Variants in GLIS3 observed in about 807,000 individuals in gnomAD.
The protein encoded by GLIS3 is GLIS family zinc finger 3.
Under a neutral mutation model 78.6 loss-of-function variants are expected in GLIS3, and 53 were observed. The observed-to-expected ratio is 0.67, with a 90% confidence interval of 0.54 to 0.85. GLIS3 has a LOEUF of 0.85. GLIS3 is among the 40% of genes least tolerant of loss of function. The pLI, the probability that GLIS3 is intolerant of heterozygous loss-of-function variation, is 0.00. For missense variants in GLIS3, 1,703 were observed against 1,231.1 expected (o/e 1.38, Z -5.74); for synonymous variants, 684 against 509.9 (o/e 1.34, Z -4.60).
intron 1 of GLIS3, among the ~76,000 whole-genome samples, chr9:4,286,828 G>A (rs1828043249): frequency 6.6e-6 from 1 of 152,106 alleles, no homozygotes; most frequent in Non-Finnish European, 1.5e-5. Context: ...AACTTATTTT[G>A]TTCCCTAGAG....
At chr9:3,869,700 T>G (rs576782869) in intron 8 of GLIS3, among the ~76,000 whole-genome samples, 25 of 152,320 alleles carry the variant, frequency 1.6e-4, no homozygotes, top group African/African-American at 5.8e-4. Flanking sequence ...TTCCCCTCAT[T>G]GGTCTTTTAC....
chr9:4,389,178 G>C, the GLIS3 span, among the ~76,000 whole-genome samples: 1 of 152,168 alleles, frequency 6.6e-6, no homozygotes, highest in Admixed American at 6.5e-5. Context: ...AGGTATTAGA[G>C]GCTAAGAGCA....
At position 4,080,059 on chromosome 9, in the gene GLIS3, G is replaced by C. The variant is rs76079927; in HGVS notation, c.1710+37709C>G. Reference sequence around the variant, plus strand: ...ATTTGGAAAATGCTATTGTAAAAGTGTTTGTGCAGGAATCTGCCTGCTTGT... The same window carrying C: ...ATTTGGAAAATGCTATTGTAAAAGTCTTTGTGCAGGAATCTGCCTGCTTGT... On this transcript the variant is annotated intron_variant, in intron 4 of 10. Transcript: ENST00000381971. 1.3e-4 allele frequency among the ~76,000 whole-genome samples: 20 copies of C among 152,328 alleles called. No homozygotes were observed. In the East Asian group the frequency reaches 3.3e-3, roughly 25 times the overall value.
At chr9:4,453,321 T>C in the GLIS3 span, among the ~76,000 whole-genome samples, 2 of 119,274 alleles carry the variant, frequency 1.7e-5, no homozygotes, top group Middle Eastern at 6.4e-3. Context: ...TGGGATCTCA[T>C]TAAACTAAAG....
At chr9:4,433,893 G>C in the GLIS3 span, among the ~76,000 whole-genome samples, 2 of 152,126 alleles carry the variant, frequency 1.3e-5, no homozygotes, top group African/African-American at 4.8e-5. Flanking sequence ...TCAAGAGTTA[G>C]AGACCATCCT....
At chr9:4,086,999 T>G (rs1829088433) in intron 4 of GLIS3, among the ~76,000 whole-genome samples, 1 of 152,164 alleles carries the variant, frequency 6.6e-6, no homozygotes, top group Non-Finnish European at 1.5e-5. Context: ...AAATCCTAGT[T>G]TAGTGCTATG....
intron 9 of GLIS3, among the ~76,000 whole-genome samples, chr9:3,843,387 C>G (rs149693915): frequency 1.4e-3 from 207 of 152,280 alleles, no homozygotes; most frequent in Middle Eastern, 3.4e-3. Context: ...AACCTACTCT[C>G]TGGAACATTA....
In GLIS3 at chr9:4,321,294, C is replaced by T. The variant is rs371105809; in HGVS notation, n.265-10766G>A. Among the ~76,000 whole-genome samples, 48 of 129,942 alleles carry T rather than the reference C, an allele frequency of 3.7e-4. 2 individuals are homozygous for T. In the East Asian group the frequency reaches 6.3e-3, roughly 17 times the overall value. The allele number at this position is 129,942 out of a possible 152,430, so 85.2% of individuals were successfully genotyped here. A position where few individuals can be genotyped will look rare whatever the true frequency, so the allele number is the denominator to read the frequency against. On this transcript the variant is annotated intron_variant and non_coding_transcript_variant, in intron 2 of 4. Transcript: ENST00000471664. Reference sequence around the variant, plus strand: ...AAAATTAGCCGGGAGTGGTGGCGGGCGCCTGTAGTCCCAGCTACTCGGGAG... The same window carrying T: ...AAAATTAGCCGGGAGTGGTGGCGGGTGCCTGTAGTCCCAGCTACTCGGGAG...
At chr9:3,850,790 C>T (rs1350806867) in intron 9 of GLIS3, among the ~76,000 whole-genome samples, 1 of 152,218 alleles carries the variant, frequency 6.6e-6, no homozygotes, top group African/African-American at 2.4e-5. Flanking sequence ...TGACTCTTCC[C>T]TCTGTGCACA....
the GLIS3 span, among the ~76,000 whole-genome samples, chr9:4,484,119 A>G: frequency 6.6e-6 from 1 of 152,186 alleles, no homozygotes; most frequent in Admixed American, 6.5e-5. Flanking sequence ...GCCCGCTGAA[A>G]TTGCCTTTGC....
At chr9:3,848,686 C>T (rs560518190) in intron 9 of GLIS3, among the ~76,000 whole-genome samples, 2 of 152,176 alleles carry the variant, frequency 1.3e-5, no homozygotes, top group African/African-American at 4.8e-5. Flanking sequence ...CTTGCCACCT[C>T]GCTGCCATTT....
In GLIS3 at chr9:4,219,710, A is replaced by T. The variant is rs186698553; in HGVS notation, c.388+66328T>A. Among the ~76,000 whole-genome samples the T allele has an allele frequency of 6.7e-3, 1,019 of 152,210 alleles. 15 individuals are homozygous for T. Among genetic ancestry groups the T allele is most frequent in the African/African-American group, 0.023 (962 of 41,542 alleles). Reference sequence around the variant, plus strand: ...GAAAAAAACATGAATACCTTTTTTTAAAAAACCCACAAATAGTGCAACTGA... The same window carrying T: ...GAAAAAAACATGAATACCTTTTTTTTAAAAACCCACAAATAGTGCAACTGA... On this transcript the variant is annotated intron_variant, in intron 2 of 10. Coordinates refer to ENST00000381971, the MANE Select transcript of GLIS3 (RefSeq NM_001042413.2).
At chr9:4,223,567 G>A (rs922036822) in intron 2 of GLIS3, among the ~76,000 whole-genome samples, 2 of 31,982 alleles carry the variant, frequency 6.3e-5, no homozygotes, top group Admixed American at 3.3e-4. Flanking sequence ...TAAGTTCCCT[G>A]ATGAAAGAAG....
intron 4 of GLIS3, among the ~76,000 whole-genome samples, chr9:4,013,874 T>C (rs1361902171): frequency 1.3e-5 from 2 of 152,144 alleles, no homozygotes; most frequent in East Asian, 1.9e-4. Context: ...CAGGTAGCAC[T>C]TGTCAGGAAT....
chr9:4,304,319 C>T (rs932216567), upstream of GLIS3, among the ~76,000 whole-genome samples: 3 of 152,054 alleles, frequency 2.0e-5, no homozygotes, highest in South Asian at 6.2e-4. Context: ...GAATAATTTC[C>T]TACAATGTGA....
At chr9:3,834,722 A>G in intron 9 of GLIS3, among the ~76,000 whole-genome samples, 1 of 152,226 alleles carries the variant, frequency 6.6e-6, no homozygotes, top group East Asian at 1.9e-4. Flanking sequence ...TTTTCCTTGC[A>G]AATTTGCCAC....
chr9:4,407,865 T>C, the GLIS3 span, among the ~76,000 whole-genome samples: 4 of 152,002 alleles, frequency 2.6e-5, no homozygotes, highest in Non-Finnish European at 4.4e-5. Flanking sequence ...ACACTACCCA[T>C]TTGACAAAGT....
At chr9:4,305,697 G>A (rs1817210026) in intron 4 of GLIS3, 1 of 152,130 alleles carries the variant, frequency 6.6e-6, no homozygotes, top group African/African-American at 2.4e-5. Flanking sequence ...TTCTGAGGAA[G>A]GTAGCTTCTC....
chr9:4,416,522 A>T, the GLIS3 span, among the ~76,000 whole-genome samples: 1 of 152,078 alleles, frequency 6.6e-6, no homozygotes, highest in African/African-American at 2.4e-5. Flanking sequence ...AATATAAATA[A>T]TATGAACTAT....
Sources: allele counts gnomAD v4.1 joint callset (sites outside exome capture counted in the v4.1 genomes callset), GRCh38; gene constraint gnomAD v4.1.1; transcripts MANE v1.5; gene names NCBI Gene and HGNC (gene_info 2026-07-23, HGNC 2026-07-21).